NBAS: variants seen among roughly 807,000 people sequenced by gnomAD.
The protein encoded by NBAS is NAG/BC035112 fusion.
NBAS carries 219 observed loss-of-function variants against 302.5 expected under a neutral mutation model. The observed-to-expected ratio is 0.72, with a 90% CI of 0.65 to 0.81. The LOEUF (loss-of-function observed/expected upper bound fraction) is 0.81, where lower values mean the gene tolerates loss of function less well. Ranked by LOEUF, NBAS falls within the 30% of genes least tolerant of loss-of-function variation. The probability of loss-of-function intolerance (pLI) is 0.00; values close to 1 mark genes in which losing one functional copy is unlikely to be tolerated. For synonymous variants in NBAS, 1,118 were observed against 1,021.6 expected (o/e 1.09, Z -1.80); for missense variants, 2,932 against 2,841.6 (o/e 1.03, Z -0.72).
chr2:15,502,257 G>A (rs1292994092), intron 11 of NBAS, among the ~76,000 whole-genome samples: 1 of 152,180 alleles, frequency 6.6e-6, no homozygotes, highest in Admixed American at 6.5e-5. Context: ...CAAACTTCCT[G>A]TGAGATCCTG....
intron 50 of NBAS, among the ~76,000 whole-genome samples, chr2:15,184,620 G>A (rs1185148735): frequency 6.6e-6 from 1 of 152,142 alleles, no homozygotes; most frequent in Non-Finnish European, 1.5e-5. Context: ...GTAAATGATG[G>A]GAGCAGCTGT....
At chr2:14,784,998 G>T in the NBAS span, among the ~76,000 whole-genome samples, 1 of 152,146 alleles carries the variant, frequency 6.6e-6, no homozygotes, top group Non-Finnish European at 1.5e-5. Context: ...ATTTCATTGA[G>T]CAGTGGTTTG....
chr2:15,059,943 C>T, the NBAS span, among the ~76,000 whole-genome samples: 2 of 123,994 alleles, frequency 1.6e-5, no homozygotes, highest in Non-Finnish European at 3.3e-5. Context: ...GATAGCAGTG[C>T]TGCTAAAAAA....
chr2:15,239,703 CAT>C (rs10666715), intron 44 of NBAS, among the ~76,000 whole-genome samples: 2 of 150,908 alleles, frequency 1.3e-5, no homozygotes, highest in African/African-American at 2.4e-5. Flanking sequence ...TATGCATATA[CAT>C]ATATATATAT....
At chr2:15,448,418 A>G (rs111228985) in intron 21 of NBAS, among the ~76,000 whole-genome samples, 7 of 152,312 alleles carry the variant, frequency 4.6e-5, no homozygotes, top group African/African-American at 1.4e-4. Flanking sequence ...AAGTACCTCT[A>G]CAATCTCCCA....
chr2:15,006,393 G>A, the NBAS span, among the ~76,000 whole-genome samples: 1 of 152,222 alleles, frequency 6.6e-6, no homozygotes, highest in Middle Eastern at 3.4e-3. Flanking sequence ...AGGTATTAAT[G>A]GGGTATGTTT....
the NBAS span, among the ~76,000 whole-genome samples, chr2:15,017,891 A>T: frequency 2.0e-5 from 3 of 152,066 alleles, no homozygotes; most frequent in Non-Finnish European, 2.9e-5. Context: ...GAATCCACCA[A>T]GGTTCCCAAT....
At chr2:15,096,074 T>C in the NBAS span, among the ~76,000 whole-genome samples, 5 of 152,310 alleles carry the variant, frequency 3.3e-5, no homozygotes, top group Middle Eastern at 0.01. Flanking sequence ...ATCAAGACCA[T>C]GTCTTGGGTC....
chr2:15,523,836 C>T (rs1288958925), intron 9 of NBAS, among the ~76,000 whole-genome samples: 5 of 152,138 alleles, frequency 3.3e-5, no homozygotes, highest in Non-Finnish European at 2.9e-5. Flanking sequence ...ATCACTTGAA[C>T]CTGGAAGACA....
the NBAS span, among the ~76,000 whole-genome samples, chr2:14,967,996 C>A: frequency 6.6e-6 from 1 of 152,164 alleles, no homozygotes; most frequent in Non-Finnish European, 1.5e-5. Flanking sequence ...TGAGAACCTC[C>A]CCCTAGCTCC....
intron 42 of NBAS, among the ~76,000 whole-genome samples, chr2:15,279,234 C>T (rs1017070573): frequency 4.6e-5 from 7 of 152,090 alleles, no homozygotes; most frequent in Non-Finnish European, 1.0e-4. Context: ...TACTTTCTTG[C>T]TAAGTTAAAG....
At chr2:14,975,434 T>C in the NBAS span, among the ~76,000 whole-genome samples, 1 of 152,236 alleles carries the variant, frequency 6.6e-6, no homozygotes, top group African/African-American at 2.4e-5. Context: ...CACCCATTGA[T>C]ACTACTTCTA....
the NBAS span, among the ~76,000 whole-genome samples, chr2:15,030,220 G>A: frequency 1.3e-5 from 2 of 152,148 alleles, no homozygotes; most frequent in Non-Finnish European, 2.9e-5. Flanking sequence ...AAAATACACA[G>A]GAGGGCCTAG....
the NBAS span, among the ~76,000 whole-genome samples, chr2:15,147,513 A>C: frequency 6.6e-6 from 1 of 152,104 alleles, no homozygotes; most frequent in African/African-American, 2.4e-5. Context: ...GAATCGCTTG[A>C]ATCCGGAGGT....
Position 15,167,141 on chromosome 2 carries a change from G to A in NBAS, c.7023C>T (p.Ala2341=), listed in dbSNP as rs139377604. 38 of 1,614,118 alleles carry A rather than the reference G, an allele frequency of 2.4e-5. No individual in the cohort carries two copies. In the Admixed American group the frequency reaches 5.0e-4, roughly 21 times the overall value. Residue 2341 remains alanine (A), a synonymous_variant, in exon 52 of 52, where the codon GCC becomes GCT. Coordinates refer to ENST00000281513, the MANE Select transcript of NBAS (RefSeq NM_015909.4). ...CGGCCAGAAGGAGAGACCCGGCTTC[G>A]GCTTCATGGCCGGCCTCCCGCAGGT... ...GRHLREAGHE[A]EAGSLLLAVR...
At chr2:15,365,035 T>C (rs1414715938) in intron 32 of NBAS, among the ~76,000 whole-genome samples, 1 of 152,176 alleles carries the variant, frequency 6.6e-6, no homozygotes, top group Non-Finnish European at 1.5e-5. Flanking sequence ...TCTTCTATTA[T>C]TTGTTTACAG....
the NBAS span, among the ~76,000 whole-genome samples, chr2:14,813,864 TCA>T: frequency 6.6e-6 from 1 of 152,126 alleles, no homozygotes; most frequent in Non-Finnish European, 1.5e-5. Context: ...GCCCCTCGCA[TCA>T]CAGTCCTGGA....
the NBAS span, among the ~76,000 whole-genome samples, chr2:14,856,375 T>G: frequency 2.0e-5 from 3 of 152,078 alleles, no homozygotes; most frequent in African/African-American, 7.2e-5. Context: ...ATATGACCCT[T>G]CAATGAACAG....
At chr2:15,496,033 G>A (rs1299155935) in intron 11 of NBAS, among the ~76,000 whole-genome samples, 3 of 151,348 alleles carry the variant, frequency 2.0e-5, no homozygotes, top group African/African-American at 7.3e-5. Flanking sequence ...ATGTCCAACT[G>A]ATGAATGGAT....
Sources: allele counts gnomAD v4.1 joint callset (sites outside exome capture counted in the v4.1 genomes callset), GRCh38; gene constraint gnomAD v4.1.1; transcripts MANE v1.5; gene names NCBI Gene and HGNC (gene_info 2026-07-23, HGNC 2026-07-21).